The following SLC45A4 variants were observed in gnomAD, a reference collection of about 807,000 sequenced individuals.
SLC45A4 encodes the protein solute carrier family 45 member 4.
Under a neutral mutation model 63.7 loss-of-function variants are expected in SLC45A4, and 32 were observed. The observed-to-expected ratio is 0.50, with a 90% CI of 0.38 to 0.67. The LOEUF is 0.67. Ranked by LOEUF, SLC45A4 falls within the 30% of genes least tolerant of loss-of-function variation. The pLI, the probability that SLC45A4 is intolerant of heterozygous loss-of-function variation, is 0.00. For missense variants in SLC45A4, 1,027 were observed against 1,157.7 expected (o/e 0.89, Z 1.64); for synonymous variants, 535 against 510.0 (o/e 1.05, Z -0.66).
At chr8:141,303,133 G>GACC (rs1342589577) in intron 1 of SLC45A4, among the ~76,000 whole-genome samples, 1 of 151,352 alleles carries the variant, frequency 6.6e-6, no homozygotes. Flanking sequence ...GAGTAGTTGG[G>GACC]ACCACTGATG....
At chr8:141,217,379 G>A (rs527452004) in intron 5 of SLC45A4, among the ~76,000 whole-genome samples, 190 bp from the exon 6 acceptor site, 2 of 152,346 alleles carry the variant, frequency 1.3e-5, no homozygotes, top group South Asian at 2.1e-4. Context: ...CCCAGACCAC[G>A]AATGTTCTGT....
In SLC45A4 at chr8:141,219,829, C is replaced by A; in HGVS notation, c.431G>T (p.Gly144Val). 6.3e-7 allele frequency: 1 copy of A among 1,575,886 alleles called. No homozygotes were observed. Among genetic ancestry groups the A allele is most frequent in the East Asian group, 2.4e-5 (1 of 42,372 alleles). ...GTTGGGGACATCGCCGAGGGCCAGACCTGCGCAGAGCACACGGGAGGGCGG... is the reference window on the plus strand; with the variant it reads ...GTTGGGGACATCGCCGAGGGCCAGAACTGCGCAGAGCACACGGGAGGGCGG... Reference protein sequence around the residue: ...VALFLNGSAIGLALGDVPNRQ... With the variant: ...VALFLNGSAIVLALGDVPNRQ... The change falls in exon 4 of 9, where the codon GGT becomes GTT. Residue 144 changes from glycine (G) to valine (V), a missense_variant and splice_region_variant. Transcript: ENST00000517878.
intron 4 of SLC45A4, 53 bp from the exon 5 acceptor site, chr8:141,219,082 G>C: frequency 6.4e-7 from 1 of 1,560,666 alleles, no homozygotes; most frequent in South Asian, 1.2e-5. Context: ...GCCACAGGGG[G>C]GGAAGCTCTG....
At chr8:141,290,661 C>T (rs374285695) in intron 1 of SLC45A4, among the ~76,000 whole-genome samples, 4 of 152,188 alleles carry the variant, frequency 2.6e-5, no homozygotes, top group African/African-American at 9.7e-5. Flanking sequence ...ACCAGGCCGC[C>T]CTCCTCCAGG....
At chr8:141,236,505 G>A (rs1827631999) in intron 2 of SLC45A4, among the ~76,000 whole-genome samples, 1 of 152,148 alleles carries the variant, frequency 6.6e-6, no homozygotes, top group African/African-American at 2.4e-5. Context: ...TAAAAAGGGG[G>A]CAAACAACCT....
At chr8:141,230,577 G>A (rs1276183611) in intron 2 of SLC45A4, among the ~76,000 whole-genome samples, 2 of 152,240 alleles carry the variant, frequency 1.3e-5, no homozygotes, top group African/African-American at 4.8e-5. Flanking sequence ...GGGCCCTGGT[G>A]GCTGGGGGGC....
rs906250965 is a variant in SLC45A4, at chr8:141,211,348, C to T, written c.*224G>A. 4.0e-5 allele frequency: 55 copies of T among 1,388,382 alleles called. No individual in the cohort carries two copies. In the African/African-American group the frequency reaches 5.4e-4, roughly 14 times the overall value. The allele number at this position is 1,388,382 out of a possible 1,614,324, so 86.0% of individuals were successfully genotyped here. A position where few individuals can be genotyped will look rare whatever the true frequency, so the allele number is the denominator to read the frequency against. On this transcript the variant is annotated 3_prime_UTR_variant, in exon 9 of 9. Coordinates refer to ENST00000517878, the MANE Select transcript of SLC45A4 (RefSeq NM_001286646.2). ...ATGGCTGGGCGCAGACACACTCACACGCGCACGCAGGAGCTCGTCTGGAGC... is the reference window on the plus strand; with the variant it reads ...ATGGCTGGGCGCAGACACACTCACATGCGCACGCAGGAGCTCGTCTGGAGC...
chr8:141,265,526 T>C (rs1190206923), intron 1 of SLC45A4, among the ~76,000 whole-genome samples: 1 of 152,148 alleles, frequency 6.6e-6, no homozygotes, highest in Non-Finnish European at 1.5e-5. Context: ...TTGTTTTCTG[T>C]AAGGAAACTA....
chr8:141,212,094 G>A, intron 8 of SLC45A4, 103 bp downstream of exon 8: 1 of 1,424,078 alleles, frequency 7.0e-7, no homozygotes, highest in Non-Finnish European at 9.2e-7. Flanking sequence ...AGCATCTGCA[G>A]GGTTCCGCGG....
rs141996788 is a variant in SLC45A4 at position 141,235,221 on chromosome 8, A to C, written c.242-13456T>G. On this transcript the variant is annotated intron_variant, in intron 2 of 8. Coordinates refer to ENST00000517878, the MANE Select transcript of SLC45A4 (RefSeq NM_001286646.2). ...TGATATGAAACCAGCAGGGAACGGC[A>C]CTGACTGCTCAAATGCCACCCCCCT... is the stretch of plus-strand genomic sequence containing the variant. Among the ~76,000 whole-genome samples, 736 of 152,318 alleles carry C rather than the reference A, an allele frequency of 4.8e-3. 10 individuals are homozygous for C. The highest frequency in any genetic ancestry group is 0.017 in the African/African-American group (694 of 41,574).
At chr8:141,212,737 C>A (rs543563635) in intron 7 of SLC45A4, among the ~76,000 whole-genome samples, 181 bp from the exon 8 acceptor site, 1 of 152,180 alleles carries the variant, frequency 6.6e-6, no homozygotes, top group Non-Finnish European at 1.5e-5. Context: ...ACTGTACAGG[C>A]GGAAGAGGTG....
At chr8:141,240,219 C>A (rs73713393) in intron 2 of SLC45A4, among the ~76,000 whole-genome samples, 1 of 152,208 alleles carries the variant, frequency 6.6e-6, no homozygotes, top group Non-Finnish European at 1.5e-5. Flanking sequence ...TATTCATTCT[C>A]GGATGTTCTA....
intron 1 of SLC45A4, among the ~76,000 whole-genome samples, chr8:141,296,171 A>G (rs1363585973): frequency 6.6e-6 from 1 of 152,164 alleles, no homozygotes; most frequent in Non-Finnish European, 1.5e-5. Flanking sequence ...TCCGTGCTAA[A>G]AATACAAAAA....
chr8:141,270,979 A>G (rs1385296664), intron 1 of SLC45A4, among the ~76,000 whole-genome samples: 1 of 152,184 alleles, frequency 6.6e-6, no homozygotes, highest in Non-Finnish European at 1.5e-5. Flanking sequence ...AAGGACCTAT[A>G]AATGAGCAAA....
At chr8:141,282,405 G>C (rs1286809346) in intron 1 of SLC45A4, among the ~76,000 whole-genome samples, 1 of 152,182 alleles carries the variant, frequency 6.6e-6, no homozygotes, top group African/African-American at 2.4e-5. Flanking sequence ...GCAGCCACTA[G>C]TCAAGCTCAC....
intron 2 of SLC45A4, chr8:141,252,285 C>G (rs1397034790): frequency 6.5e-6 from 1 of 153,544 alleles, no homozygotes; most frequent in Non-Finnish European, 1.5e-5. Context: ...CTACAGGGTC[C>G]CCGCTCTGCT....
chr8:141,238,646 C>T (rs1827746814), intron 2 of SLC45A4, among the ~76,000 whole-genome samples: 1 of 152,208 alleles, frequency 6.6e-6, no homozygotes, highest in Non-Finnish European at 1.5e-5. Context: ...TGGAGGGCAG[C>T]AGGCTCCAAG....
chr8:141,263,360 A>G (rs537494165), intron 1 of SLC45A4, among the ~76,000 whole-genome samples: 257 of 152,080 alleles, frequency 1.7e-3, no homozygotes, highest in African/African-American at 5.8e-3. Flanking sequence ...AACTTAAAGT[A>G]TAATAATAAT....
intron 1 of SLC45A4, among the ~76,000 whole-genome samples, chr8:141,300,069 G>A (rs543067557): frequency 4.6e-5 from 7 of 152,236 alleles, no homozygotes; most frequent in African/African-American, 1.7e-4. Context: ...ATGATCTGAC[G>A]ACATCATCGC....
Sources: gnomAD v4.1 joint callset for allele counts (sites outside exome capture counted in the v4.1 genomes callset) on GRCh38, gnomAD v4.1.1 for gene constraint, MANE v1.5 for transcripts, NCBI Gene and HGNC (gene_info 2026-07-23, HGNC 2026-07-21) for gene names.